BMP8B: variants seen among roughly 807,000 people sequenced by gnomAD.
BMP8B encodes bone morphogenetic protein 8 (osteogenic protein 2).
Under a neutral mutation model 30.3 loss-of-function variants are expected in BMP8B, and 17 were observed. The observed-to-expected ratio is 0.56, with a 90% CI of 0.38 to 0.84. The LOEUF is 0.84. BMP8B is among the 40% of genes least tolerant of loss of function. The pLI is 0.00. For synonymous variants in BMP8B, 131 were observed against 214.7 expected, an observed-to-expected ratio of 0.61 and a Z score of 3.41; for missense variants, 253 against 494.6, an observed-to-expected ratio of 0.51 and a Z score of 4.63.
At chr1:39,779,866 A>G (rs1569851793) in intron 1 of BMP8B, among the ~76,000 whole-genome samples, 1 of 152,210 alleles carries the variant, frequency 6.6e-6, no homozygotes. Context: ...ATTGTTGCAC[A>G]TTGTTCTTAG....
At chr1:39,777,904 T>A (rs1280872281) in intron 1 of BMP8B, among the ~76,000 whole-genome samples, 1 of 152,116 alleles carries the variant, frequency 6.6e-6, no homozygotes, top group Non-Finnish European at 1.5e-5. Flanking sequence ...GGTGGCCCCG[T>A]CCCTCTCAGT....
intron 1 of BMP8B, among the ~76,000 whole-genome samples, chr1:39,782,457 T>TAA (rs1650707448): frequency 6.9e-6 from 1 of 144,418 alleles, no homozygotes; most frequent in South Asian, 2.2e-4. Flanking sequence ...GCCAGACACT[T>TAA]GCTTTGTTTT....
intron 1 of BMP8B, among the ~76,000 whole-genome samples, chr1:39,780,745 A>T (rs990454626): frequency 2.0e-5 from 3 of 152,322 alleles, no homozygotes; most frequent in Admixed American, 6.5e-5. Flanking sequence ...ATGTTTAAAA[A>T]TTATCTGGGC....
chr1:39,770,089 T>C (rs1405526286), intron 3 of BMP8B: 7 of 1,214,406 alleles, frequency 5.8e-6, no homozygotes, highest in Non-Finnish European at 7.8e-6. Context: ...GTTGGATGTG[T>C]CCCCCTCGGA....
In BMP8B at chr1:39,775,039, C is replaced by G. The variant is rs532600868; in HGVS notation, c.335-1G>C. Reference sequence around the variant, plus strand: ...TGGCCCAGGGCACGGTCTCGCTCCACTAGAAGACAAAGCAGCGCTGGGCTG... The same window carrying G: ...TGGCCCAGGGCACGGTCTCGCTCCAGTAGAAGACAAAGCAGCGCTGGGCTG... On this transcript the variant is annotated splice_acceptor_variant, in intron 1 of 6. Transcript: ENST00000372827. LOFTEE classifies it high-confidence loss of function. 1.6e-6 allele frequency: 2 copies of G among 1,261,162 alleles called. No homozygotes were observed. Among genetic ancestry groups the G allele is most frequent in the Non-Finnish European group, 2.2e-6 (2 of 923,802 alleles). 78.1% of individuals were successfully genotyped at this position (1,261,162 alleles called of 1,614,324 possible).
chr1:39,758,121 AAATT>A lies in BMP8B; in HGVS notation c.*2294_*2297del, dbSNP rs1438821385. On this transcript the variant is annotated 3_prime_UTR_variant, in exon 7 of 7. Transcript: ENST00000372827. Reference sequence around the variant, plus strand: ...GCACTAAAGATACAGGTGGAGTAAAAAATTAATTGTCAAAATAACTGGCTAATTT... The same window carrying A: ...GCACTAAAGATACAGGTGGAGTAAAAAATTGTCAAAATAACTGGCTAATTT... 1.3e-5 allele frequency: 2 copies of A among 152,256 alleles called. No individual in the cohort carries two copies. Among genetic ancestry groups the A allele is most frequent in the African/African-American group, 4.8e-5 (2 of 41,470 alleles). The allele number at this position is 152,256 out of a possible 1,614,324, so 9.4% of individuals were successfully genotyped here.
chr1:39,770,783 G>A (rs1318012325), intron 3 of BMP8B: 1 of 865,718 alleles, frequency 1.2e-6, no homozygotes, highest in African/African-American at 2.2e-5. Flanking sequence ...GTAGCCCGTG[G>A]GGGTGTAGAA....
chr1:39,782,628 C>T (rs498734), intron 1 of BMP8B, among the ~76,000 whole-genome samples: 3,983 of 152,010 alleles, frequency 0.026, 181 homozygotes, highest in African/African-American at 0.09. Context: ...CCACCACAGC[C>T]GGCTAATTTT....
At position 39,760,201 on chromosome 1, in the gene BMP8B, G is replaced by C. The variant is rs41267033; in HGVS notation, c.*218C>G. ...GGGTAGAACACTGCCTGATGATTGA[G>C]ACCACCTGGGCTGGAAACAGGACAG... On this transcript the variant is annotated 3_prime_UTR_variant, in exon 7 of 7. Transcript: ENST00000372827. 106 of 782,454 alleles carry C rather than the reference G, an allele frequency of 1.4e-4. No homozygotes were observed. Among genetic ancestry groups the C allele is most frequent in the Non-Finnish European group, 2.0e-4 (101 of 506,870 alleles). 48.5% of individuals were successfully genotyped at this position (782,454 alleles called of 1,614,324 possible). A position where few individuals can be genotyped will look rare whatever the true frequency, so the allele number is the denominator to read the frequency against.
At chr1:39,785,493 G>C (rs1411083736) in intron 1 of BMP8B, among the ~76,000 whole-genome samples, 2 of 152,238 alleles carry the variant, frequency 1.3e-5, no homozygotes, top group African/African-American at 2.4e-5. Flanking sequence ...GGAGACCTGA[G>C]CCATGGTGGG....
Position 39,771,391 on chromosome 1 carries a change from C to G in BMP8B, c.673+2917G>C, listed in dbSNP as rs933676771. Reference sequence around the variant, plus strand: ...AGGTCTCCCCGGCCAGGCGCAGGCTCTAGGCTAGGCCCGCGACCCGCAACA... The same window carrying G: ...AGGTCTCCCCGGCCAGGCGCAGGCTGTAGGCTAGGCCCGCGACCCGCAACA... On this transcript the variant is annotated intron_variant, in intron 3 of 6. Transcript: ENST00000372827. 4 of 864,084 alleles carry G rather than the reference C, an allele frequency of 4.6e-6. No homozygotes were observed. In the African/African-American group the frequency reaches 7.7e-5, roughly 17 times the overall value. The allele number at this position is 864,084 out of a possible 1,614,324, so 53.5% of individuals were successfully genotyped here.
chr1:39,776,768 A>G (rs1289066323), intron 1 of BMP8B, among the ~76,000 whole-genome samples: 1 of 152,234 alleles, frequency 6.6e-6, no homozygotes, highest in Non-Finnish European at 1.5e-5. Flanking sequence ...CACTCATCTA[A>G]TAAGATCATC....
chr1:39,781,911 C>T (rs563203492), intron 1 of BMP8B, among the ~76,000 whole-genome samples: 7 of 152,146 alleles, frequency 4.6e-5, no homozygotes, highest in Non-Finnish European at 8.8e-5. Context: ...AATCCCAGCA[C>T]TTTGGGAGGC....
intron 4 of BMP8B, chr1:39,763,997 A>C: frequency 6.4e-6 from 4 of 625,038 alleles, no homozygotes; most frequent in Non-Finnish European, 1.1e-5. Context: ...CAATGGCTAG[A>C]GTGACACTGT....
intron 1 of BMP8B, among the ~76,000 whole-genome samples, chr1:39,785,567 C>CA (rs1405324913): frequency 6.6e-6 from 1 of 152,256 alleles, no homozygotes; most frequent in African/African-American, 2.4e-5. Context: ...GCCCTACGGG[C>CA]ACCAGACCTG....
In BMP8B at chr1:39,774,926, G is replaced by A. The variant is rs1650114698; in HGVS notation, c.447C>T (p.Tyr149=). ...TGAGCAGGTGGATGCTGGGCACCTTGTAAATCCGGAACTCCGCAGCTGTGA... is the reference window on the plus strand; with the variant it reads ...TGAGCAGGTGGATGCTGGGCACCTTATAAATCCGGAACTCCGCAGCTGTGA... The part of the protein sequence containing the change: ...EAVTAAEFRI[Y]KVPSIHLLNR... The change falls in exon 2 of 7, where the codon TAC becomes TAT. Residue 149 remains tyrosine, a synonymous_variant. Transcript: ENST00000372827. 1.7e-6 allele frequency: 2 copies of A among 1,158,814 alleles called. No homozygotes were observed. The highest frequency in any genetic ancestry group is 2.9e-5 in the South Asian group (2 of 69,136). The allele number at this position is 1,158,814 out of a possible 1,614,324, so 71.8% of individuals were successfully genotyped here. A position where few individuals can be genotyped will look rare whatever the true frequency, so the allele number is the denominator to read the frequency against.
Position 39,757,326 on chromosome 1 carries a change from TA to T in BMP8B, c.*3092del, listed in dbSNP as rs1440994076. Reference sequence around the variant, plus strand: ...GATTTGTGTACATATTTAGTCTTTATAATAGCTTTGGGAGGAAAGAACCAAT... The same window carrying T: ...GATTTGTGTACATATTTAGTCTTTATATAGCTTTGGGAGGAAAGAACCAAT... On this transcript the variant is annotated 3_prime_UTR_variant, in exon 7 of 7. Transcript: ENST00000372827. The T allele has an allele frequency of 2.0e-5, 3 of 152,268 alleles. No individual in the cohort carries two copies. The highest frequency in any genetic ancestry group is 1.5e-5 in the Non-Finnish European group (1 of 68,052). The allele number at this position is 152,268 out of a possible 1,614,324, so 9.4% of individuals were successfully genotyped here.
intron 3 of BMP8B, among the ~76,000 whole-genome samples, chr1:39,768,703 A>G (rs1222080454): frequency 2.7e-5 from 4 of 148,550 alleles, no homozygotes; most frequent in African/African-American, 1.0e-4. Flanking sequence ...AAAAATATAT[A>G]TACAAAAATT....
Position 39,784,823 on chromosome 1 carries a change from C to T in BMP8B, c.334+3329G>A, listed in dbSNP as rs990925912. ...CATCAACACCCCTGTCCATGGCCACCGGAGACCACAGGAGCAAATCTGTCT... is the reference window on the plus strand; with the variant it reads ...CATCAACACCCCTGTCCATGGCCACTGGAGACCACAGGAGCAAATCTGTCT... On this transcript the variant is annotated intron_variant, in intron 1 of 6. Transcript: ENST00000372827. 5.9e-5 allele frequency among the ~76,000 whole-genome samples: 6 copies of T among 102,022 alleles called. 2 individuals carry two copies. The Admixed American group carries it at 6.2e-4, about 11-fold the overall frequency. The allele number at this position is 102,022 out of a possible 152,430, so 66.9% of individuals were successfully genotyped here. A position where few individuals can be genotyped will look rare whatever the true frequency, so the allele number is the denominator to read the frequency against.
Sources: allele counts gnomAD v4.1 joint callset (sites outside exome capture counted in the v4.1 genomes callset), GRCh38; gene constraint gnomAD v4.1.1; transcripts MANE v1.5; gene names NCBI Gene and HGNC (gene_info 2026-07-23, HGNC 2026-07-21).